The following NDUFAF5 variants were observed in gnomAD, a reference collection of about 807,000 sequenced individuals.
NDUFAF5 encodes the protein arginine-hydroxylase NDUFAF5, mitochondrial.
In NDUFAF5, 34 loss-of-function variants were observed where a neutral mutation model predicts 48.9. The observed-to-expected ratio is 0.70, with a 90% confidence interval of 0.53 to 0.93. The LOEUF (loss-of-function observed/expected upper bound fraction) is 0.93. NDUFAF5 is among the 40% of genes least tolerant of loss of function. The probability of loss-of-function intolerance (pLI) is 0.00; values close to 1 mark genes in which losing one functional copy is unlikely to be tolerated. For synonymous variants in NDUFAF5, 153 were observed against 150.6 expected (o/e 1.02, Z -0.12); for missense variants, 428 against 427.5 (o/e 1.00, Z -0.01).
intron 7 of NDUFAF5, among the ~76,000 whole-genome samples, chr20:13,804,178 C>T (rs1301448474): frequency 6.6e-6 from 1 of 152,192 alleles, no homozygotes; most frequent in African/African-American, 2.4e-5. Flanking sequence ...GAGCTAGATT[C>T]TCATGTCTGT....
chr20:13,811,367 A>G (rs1339722680), intron 8 of NDUFAF5, among the ~76,000 whole-genome samples: 1 of 152,206 alleles, frequency 6.6e-6, no homozygotes, highest in Non-Finnish European at 1.5e-5. Flanking sequence ...TGTCTCAGGT[A>G]TCAAGGCAGA....
At chr20:13,793,651 G>A (rs1405357966) in intron 4 of NDUFAF5, among the ~76,000 whole-genome samples, 2 of 152,158 alleles carry the variant, frequency 1.3e-5, no homozygotes, top group Non-Finnish European at 2.9e-5. Context: ...TTGAAGGGCA[G>A]TTACGTTTCT....
chr20:13,794,933 C>G lies in NDUFAF5; in HGVS notation c.471C>G (p.Ser157Arg). Residue 157 changes from serine to arginine, a missense_variant, in exon 5 of 11, where the codon AGC becomes AGG. Coordinates refer to ENST00000378106, the MANE Select transcript of NDUFAF5 (RefSeq NM_024120.5). ...FKENTFDLVV[S>R]SLSLHWVNDL... ...AAAATACATTTGACCTGGTGGTTAG[C>G]AGTTTAAGGTTGGTAATCCACTTTT... 1 of 1,603,284 alleles carries G rather than the reference C, an allele frequency of 6.2e-7. No individual in the cohort carries two copies. The highest frequency in any genetic ancestry group is 8.5e-7 in the Non-Finnish European group (1 of 1,170,268).
intron 9 of NDUFAF5, 128 bp from the exon 10 acceptor site, chr20:13,816,747 T>C (rs1986509665): frequency 7.8e-6 from 6 of 768,116 alleles, no homozygotes; most frequent in Non-Finnish European, 1.2e-5. Flanking sequence ...GAATTTTTCA[T>C]GTAAGATGTT....
At chr20:13,796,732 C>T (rs201369139) in intron 5 of NDUFAF5, among the ~76,000 whole-genome samples, 3 of 152,086 alleles carry the variant, frequency 2.0e-5, no homozygotes, top group African/African-American at 7.2e-5. Context: ...TAATCCCAGC[C>T]CTTTGGGAGG....
In NDUFAF5 at chr20:13,785,263, G is replaced by T. The variant is rs2147465457; in HGVS notation, c.195G>T (p.Pro65=). 1.2e-6 allele frequency: 2 copies of T among 1,612,254 alleles called. No individual in the cohort carries two copies. Among genetic ancestry groups the T allele is most frequent in the South Asian group, 1.1e-5 (1 of 90,768 alleles). Reference sequence around the variant, plus strand: ...ACTGGGCAGCCCGGCAGCCCGAGCCGACCAAATTTGACTACCTGAAGGAGG... The same window carrying T: ...ACTGGGCAGCCCGGCAGCCCGAGCCTACCAAATTTGACTACCTGAAGGAGG... The part of the protein sequence containing the change: ...QKNWAARQPE[P]TKFDYLKEEV... The change falls in exon 1 of 11, where the codon CCG becomes CCT. Residue 65 remains proline (P), a synonymous_variant. Coordinates refer to ENST00000378106, the MANE Select transcript of NDUFAF5 (RefSeq NM_024120.5).
At chr20:13,786,068 AC>A (rs1188449621) in intron 1 of NDUFAF5, among the ~76,000 whole-genome samples, 5 of 152,062 alleles carry the variant, frequency 3.3e-5, no homozygotes. Context: ...CGTTTGAGAA[AC>A]CTTTCTCCCT....
intron 7 of NDUFAF5, among the ~76,000 whole-genome samples, chr20:13,804,380 C>T (rs2147570838): frequency 6.6e-6 from 1 of 151,926 alleles, no homozygotes; most frequent in South Asian, 2.1e-4. Flanking sequence ...AACTACTGTC[C>T]TAGAGGTAGC....
At chr20:13,787,430 A>G (rs531718672) in intron 2 of NDUFAF5, 78 bp downstream of exon 2, 3 of 1,346,098 alleles carry the variant, frequency 2.2e-6, no homozygotes, top group East Asian at 2.3e-5. Flanking sequence ...AGAACTTGCT[A>G]TCTGAAATGG....
intron 3 of NDUFAF5, among the ~76,000 whole-genome samples, chr20:13,788,951 C>T (rs1981714567): frequency 6.6e-6 from 1 of 151,970 alleles, no homozygotes; most frequent in African/African-American, 2.4e-5. Flanking sequence ...CCATAAAAAT[C>T]AGATTGGCAT....
At chr20:13,786,197 AAC>A (rs1981079132) in intron 1 of NDUFAF5, among the ~76,000 whole-genome samples, 1 of 152,220 alleles carries the variant, frequency 6.6e-6, no homozygotes, top group African/African-American at 2.4e-5. Flanking sequence ...TAATGCAACA[AAC>A]AGTTATTGAA....
chr20:13,806,358 AT>A (rs914330021), intron 7 of NDUFAF5, among the ~76,000 whole-genome samples: 1 of 152,154 alleles, frequency 6.6e-6, no homozygotes, highest in Non-Finnish European at 1.5e-5. Context: ...ATACAAAAAA[AT>A]TAGCTGGGCG....
intron 7 of NDUFAF5, among the ~76,000 whole-genome samples, chr20:13,805,361 T>C (rs1361993323): frequency 6.6e-6 from 1 of 152,250 alleles, no homozygotes; most frequent in Admixed American, 6.5e-5. Context: ...GAATGAGTTT[T>C]AGAAAGATTT....
chr20:13,802,525 C>T (rs1984330117), intron 7 of NDUFAF5, among the ~76,000 whole-genome samples: 1 of 151,842 alleles, frequency 6.6e-6, no homozygotes, highest in Non-Finnish European at 1.5e-5. Context: ...AAAAAATCAG[C>T]GAATTGTGGT....
intron 8 of NDUFAF5, among the ~76,000 whole-genome samples, chr20:13,813,547 T>C (rs947093811): frequency 3.9e-5 from 6 of 152,108 alleles, no homozygotes; most frequent in African/African-American, 1.4e-4. Flanking sequence ...TCAGGGAGCT[T>C]ATGTTGTACT....
In NDUFAF5 at chr20:13,811,035, C is replaced by T. The variant is rs1209922268; in HGVS notation, c.778+2133C>T. Among the ~76,000 whole-genome samples, 3 of 151,986 alleles carry T rather than the reference C, an allele frequency of 2.0e-5. No individual in the cohort carries two copies. The South Asian group carries it at 6.2e-4, about 32-fold the overall frequency. On this transcript the variant is annotated intron_variant, in intron 8 of 10. Transcript: ENST00000378106. The stretch of plus-strand genomic sequence containing the variant: ...GCAGCTCAGGACCAGGCACGAAAAT[C>T]GGATAGTTGAATTAGTTTGGGTTGG...
At chr20:13,802,690 A>G (rs974626903) in intron 7 of NDUFAF5, among the ~76,000 whole-genome samples, 3 of 150,578 alleles carry the variant, frequency 2.0e-5, no homozygotes, top group Admixed American at 6.6e-5. Flanking sequence ...AAAAAAAAAA[A>G]GCAAATGTTA....
At chr20:13,814,114 G>C (rs1986191533) in intron 8 of NDUFAF5, 1 of 242,930 alleles carries the variant, frequency 4.1e-6, no homozygotes, top group Non-Finnish European at 8.3e-6. Flanking sequence ...TAAGTAACTT[G>C]TCCCAGATGT....
intron 7 of NDUFAF5, among the ~76,000 whole-genome samples, chr20:13,804,889 T>G (rs1984771409): frequency 6.6e-6 from 1 of 152,182 alleles, no homozygotes; most frequent in African/African-American, 2.4e-5. Context: ...ACACAAAATT[T>G]GTGGTGGTGG....
Sources: allele counts gnomAD v4.1 joint callset (sites outside exome capture counted in the v4.1 genomes callset), GRCh38; gene constraint gnomAD v4.1.1; transcripts MANE v1.5; gene names NCBI Gene and HGNC (gene_info 2026-07-23, HGNC 2026-07-21).